WAPL: variants seen among roughly 807,000 people sequenced by gnomAD.
WAPL encodes the protein WAPL cohesin release factor, also known as wings apart-like protein homolog.
In WAPL, 5 loss-of-function variants were observed where a neutral mutation model predicts 121.0. The observed-to-expected ratio is 0.04, with a 90% confidence interval of 0.02 to 0.09. WAPL has a LOEUF of 0.09. Ranked by LOEUF, WAPL falls within the 10% of genes least tolerant of loss-of-function variation. The probability of loss-of-function intolerance (pLI) is 1.00; values close to 1 mark genes in which losing one functional copy is unlikely to be tolerated. For synonymous variants in WAPL, 480 were observed against 481.5 expected (o/e 1.00, Z 0.04); for missense variants, 999 against 1,410.8 (o/e 0.71, Z 4.68).
chr10:86,447,984 G>A (rs923687947), intron 15 of WAPL, among the ~76,000 whole-genome samples: 4 of 152,028 alleles, frequency 2.6e-5, no homozygotes, highest in Admixed American at 2.0e-4. Context: ...GGAGTCAGGG[G>A]TTGCAGTAAG....
At chr10:86,443,533 G>T (rs1035968133) in intron 16 of WAPL, 170 bp from the exon 17 acceptor site, 10 of 489,778 alleles carry the variant, frequency 2.0e-5, no homozygotes, top group Non-Finnish European at 3.5e-5. Flanking sequence ...ATGAAATAGG[G>T]ATCCAAAAGA....
chr10:86,473,847 A>C (rs1399939261), intron 5 of WAPL, 31 bp downstream of exon 5: 1 of 1,530,016 alleles, frequency 6.5e-7, no homozygotes, highest in Non-Finnish European at 9.0e-7. Context: ...CTTATTAAAA[A>C]ACACAAAATA....
chr10:86,510,407 G>C (rs1842438753), intron 2 of WAPL, among the ~76,000 whole-genome samples: 2 of 152,122 alleles, frequency 1.3e-5, no homozygotes, highest in African/African-American at 2.4e-5. Flanking sequence ...AAAATACTTA[G>C]GGAAAATGCT....
chr10:86,478,752 AC>A (rs1268342994), intron 4 of WAPL, among the ~76,000 whole-genome samples: 4 of 152,146 alleles, frequency 2.6e-5, no homozygotes. Flanking sequence ...TTACAATAAC[AC>A]CACAAAGGTT....
chr10:86,503,084 G>C (rs1413857800), intron 2 of WAPL, among the ~76,000 whole-genome samples: 1 of 152,112 alleles, frequency 6.6e-6, no homozygotes, highest in Non-Finnish European at 1.5e-5. Context: ...CTTGAACCCG[G>C]GAGGCAGAGG....
chr10:86,486,817 G>T (rs575861119), intron 4 of WAPL, among the ~76,000 whole-genome samples: 1 of 152,018 alleles, frequency 6.6e-6, no homozygotes, highest in Non-Finnish European at 1.5e-5. Context: ...TTAGCTGGAC[G>T]CAGTGGCGTG....
chr10:86,436,874 T>C lies in WAPL; in HGVS notation c.*669A>G, dbSNP rs1362450639. The C allele has an allele frequency of 6.6e-6, 1 of 152,616 alleles. No individual in the cohort carries two copies. Among genetic ancestry groups the C allele is most frequent in the African/African-American group, 2.4e-5 (1 of 41,442 alleles). 9.5% of individuals were successfully genotyped at this position (152,616 alleles called of 1,614,324 possible). ...TATGGTATGATATTGAATATGGTTG[T>C]GGTCTCAAAAGTAAAAAATAGTTCA... On this transcript the variant is annotated 3_prime_UTR_variant, in exon 19 of 19. Coordinates refer to ENST00000298767, the MANE Select transcript of WAPL (RefSeq NM_015045.5).
At chr10:86,447,910 T>A (rs186102349) in intron 15 of WAPL, among the ~76,000 whole-genome samples, 2 of 151,916 alleles carry the variant, frequency 1.3e-5, no homozygotes, top group Admixed American at 6.6e-5. Context: ...TAGCCAGGCG[T>A]GGTGGCGCAA....
At chr10:86,465,141 G>A (rs1003091662) in intron 9 of WAPL, among the ~76,000 whole-genome samples, 6 of 152,178 alleles carry the variant, frequency 3.9e-5, no homozygotes, top group African/African-American at 1.4e-4. Flanking sequence ...ACATGCTGCA[G>A]TCTTCAGTTA....
chr10:86,472,891 G>A lies in WAPL; in HGVS notation c.1741-127C>T. ...CTTTTTAAAAAGCAGGGAGCAGGGA[G>A]GCCTCTCAAAGGTCTTTAGAAATAC... On this transcript the variant is annotated intron_variant, in intron 5 of 18. Transcript: ENST00000298767. The surrounding 1 kb of genome is among the most constrained non-coding windows in gnomAD (Gnocchi z 4.2). 1 of 991,046 alleles carries A rather than the reference G, an allele frequency of 1.0e-6. No homozygotes were observed. Among genetic ancestry groups the A allele is most frequent in the Admixed American group, 3.0e-5 (1 of 33,444 alleles). 61.4% of individuals were successfully genotyped at this position (991,046 alleles called of 1,614,324 possible).
intron 2 of WAPL, among the ~76,000 whole-genome samples, chr10:86,512,186 T>G (rs1410870494): frequency 6.6e-6 from 1 of 152,228 alleles, no homozygotes; most frequent in Non-Finnish European, 1.5e-5. Flanking sequence ...AACATTTCCC[T>G]TTCTAAAAAA....
intron 1 of WAPL, among the ~76,000 whole-genome samples, 170 bp from the exon 2 acceptor site, chr10:86,518,261 C>T (rs1000458871): frequency 6.6e-6 from 1 of 152,060 alleles, no homozygotes; most frequent in African/African-American, 2.4e-5. Context: ...GATTTATTAC[C>T]CTACATGCTT....
rs774851085 is a variant in WAPL at position 86,517,560 on chromosome 10, T to A, written c.499+11A>T. 1 of 1,587,432 alleles carries A rather than the reference T, an allele frequency of 6.3e-7. No homozygotes were observed. The highest frequency in any genetic ancestry group is 8.6e-7 in the Non-Finnish European group (1 of 1,167,194). ...CTCTCTTGGCGGAGAATAAAGAAAATCAAAACTTACCTGAAGTTATTAATT... is the reference window on the plus strand; with the variant it reads ...CTCTCTTGGCGGAGAATAAAGAAAAACAAAACTTACCTGAAGTTATTAATT... On this transcript the variant is annotated intron_variant, in intron 2 of 18. Transcript: ENST00000298767.
intron 2 of WAPL, 63 bp downstream of exon 2, chr10:86,517,508 T>A: frequency 1.3e-6 from 2 of 1,506,160 alleles, no homozygotes; most frequent in Non-Finnish European, 1.8e-6. Flanking sequence ...AGAATTTAAA[T>A]CATTTAAATA....
chr10:86,491,385 C>T (rs569069083), intron 4 of WAPL, among the ~76,000 whole-genome samples: 5 of 151,872 alleles, frequency 3.3e-5, no homozygotes, highest in South Asian at 2.1e-4. Context: ...GTGATCCACC[C>T]GCCTCGGCCT....
intron 2 of WAPL, among the ~76,000 whole-genome samples, chr10:86,504,725 C>T (rs985863616): frequency 4.0e-5 from 6 of 151,876 alleles, no homozygotes; most frequent in African/African-American, 7.3e-5. Flanking sequence ...CTACCCAGGG[C>T]ACTGTGGCCA....
chr10:86,459,713 A>C (rs1315376366), intron 11 of WAPL, among the ~76,000 whole-genome samples: 1 of 152,270 alleles, frequency 6.6e-6, no homozygotes, highest in Non-Finnish European at 1.5e-5. Flanking sequence ...ATAAAAGTCA[A>C]ATAAACAAAA....
At chr10:86,468,008 T>C (rs1185215106) in intron 8 of WAPL, among the ~76,000 whole-genome samples, 1 of 151,934 alleles carries the variant, frequency 6.6e-6, no homozygotes, top group Non-Finnish European at 1.5e-5. Context: ...AGAAACATGT[T>C]TAAAAAAATA....
At chr10:86,488,928 G>T (rs773463767) in intron 4 of WAPL, among the ~76,000 whole-genome samples, 31 of 152,174 alleles carry the variant, frequency 2.0e-4, no homozygotes, top group Non-Finnish European at 3.8e-4. Flanking sequence ...ATGAGGAAAG[G>T]TGACGAACCT....
Sources: gnomAD v4.1 joint callset for allele counts (sites outside exome capture counted in the v4.1 genomes callset) on GRCh38, gnomAD v4.1.1 for gene constraint, Gnocchi (gnomAD v3.1) non-coding constraint, MANE v1.5 for transcripts, NCBI Gene and HGNC (gene_info 2026-07-23, HGNC 2026-07-21) for gene names.